The following SERINC3 variants were observed in gnomAD, a reference collection of about 807,000 sequenced individuals.
SERINC3 encodes the protein tumor differentially expressed protein 1.
A neutral mutation model predicts 52.1 loss-of-function variants in SERINC3; 22 were observed. The observed-to-expected ratio is 0.42, with a 90% CI of 0.30 to 0.60. SERINC3 has a LOEUF of 0.60. SERINC3 is among the 20% of genes least tolerant of loss of function. The probability of loss-of-function intolerance (pLI) is 0.16; values close to 1 mark genes in which losing one functional copy is unlikely to be tolerated. For synonymous variants in SERINC3, 226 were observed against 212.7 expected (o/e 1.06, Z -0.54); for missense variants, 564 against 584.6 (o/e 0.96, Z 0.36).
Position 44,504,669 on chromosome 20 carries a change from GTGAACACT to G in SERINC3, c.874+124_874+131del, listed in dbSNP as rs1382238554. The G allele has an allele frequency of 4.5e-6, 3 of 669,078 alleles. No homozygotes were observed. The African/African-American group carries it at 5.4e-5, about 12-fold the overall frequency. The allele number at this position is 669,078 out of a possible 1,614,324, so 41.4% of individuals were successfully genotyped here. A position where few individuals can be genotyped will look rare whatever the true frequency, so the allele number is the denominator to read the frequency against. ...AAAGGTAAATACCTACAAACCTACA[GTGAACACT>G]GTACGTTTAAGTTTTGTTTGCTTGT... On this transcript the variant is annotated intron_variant, in intron 7 of 9. Transcript: ENST00000342374.
In SERINC3 at chr20:44,508,222, G is replaced by A. The variant is rs533971701; in HGVS notation, c.614-1226C>T. Reference sequence around the variant, plus strand: ...ATAACAGCCGGGTGTGGTGGCTCACGCCTGCAATCCTAACACTTTGGGAGG... The same window carrying A: ...ATAACAGCCGGGTGTGGTGGCTCACACCTGCAATCCTAACACTTTGGGAGG... On this transcript the variant is annotated intron_variant, in intron 5 of 9. Coordinates refer to ENST00000342374, the MANE Select transcript of SERINC3 (RefSeq NM_006811.4). Among the ~76,000 whole-genome samples, 70 of 152,236 alleles carry A rather than the reference G, an allele frequency of 4.6e-4. 1 individual carries two copies. Among genetic ancestry groups the A allele is most frequent in the Non-Finnish European group, 8.2e-4 (56 of 68,012 alleles).
At position 44,503,920 on chromosome 20, in the gene SERINC3, G is replaced by A; in HGVS notation, c.950C>T (p.Thr317Ile). 8 of 1,605,060 alleles carry A rather than the reference G, an allele frequency of 5.0e-6. No homozygotes were observed. The highest frequency in any genetic ancestry group is 6.8e-6 in the Non-Finnish European group (8 of 1,176,968). Residue 317 changes from threonine to isoleucine, a missense_variant, in exon 8 of 10, where the codon ACT becomes ATT. Thr to Ile is a moderately conservative substitution (Grantham distance 89). Coordinates refer to ENST00000342374, the MANE Select transcript of SERINC3 (RefSeq NM_006811.4). ...TAPTLAPGNS[T>I]AVVPTPTPPS... ...TGGAGTAGGGGTAGGGACCACAGCA[G>A]TTGAATTTCCAGGAGCCAGGGTTGG...
At position 44,506,944 on chromosome 20, in the gene SERINC3, C is replaced by T. The variant is rs762804409; in HGVS notation, c.666G>A (p.Gly222=). The T allele has an allele frequency of 3.7e-6, 6 of 1,608,798 alleles. No homozygotes were observed. Among genetic ancestry groups the T allele is most frequent in the Non-Finnish European group, 4.2e-6 (5 of 1,178,018 alleles). Reference sequence around the variant, plus strand: ...GTTTGGTGTAATATGTATAGAGCAGCCCGACACAGATGATTGACAGGATAT... The same window carrying T: ...GTTTGGTGTAATATGTATAGAGCAGTCCGACACAGATGATTGACAGGATAT... ...AFYILSIICV[G]LLYTYYTKPD... The change falls in exon 6 of 10, where the codon GGG becomes GGA. Residue 222 remains glycine, a synonymous_variant. Transcript: ENST00000342374.
intron 1 of SERINC3, among the ~76,000 whole-genome samples, chr20:44,520,958 G>A (rs1425474490): frequency 4.6e-5 from 7 of 152,162 alleles, no homozygotes; most frequent in Non-Finnish European, 1.0e-4. Flanking sequence ...TTGTGAGACT[G>A]AGCCCTCCAC....
intron 6 of SERINC3, among the ~76,000 whole-genome samples, chr20:44,506,379 G>A (rs1318572472): frequency 6.6e-6 from 1 of 151,032 alleles, no homozygotes; most frequent in Non-Finnish European, 1.5e-5. Flanking sequence ...GGATCACGAG[G>A]TCAAGAGTTC....
downstream of SERINC3, among the ~76,000 whole-genome samples, chr20:44,496,965 A>C (rs1312400304): frequency 4.6e-5 from 7 of 152,142 alleles, no homozygotes; most frequent in Admixed American, 4.6e-4. Context: ...CAACCAGATA[A>C]CCCGCAAGAC....
In SERINC3 at chr20:44,522,022, T is replaced by TAG. The variant is rs2064421135; in HGVS notation, c.-72_-71insCT. ...ACACGGTGGTAACTGCCAGCTGAGG[T>TAG]GACTCCCCAGAAACATGACGGTTTC... On this transcript the variant is annotated 5_prime_UTR_variant, in exon 1 of 10. An upstream open reading frame in the 5' UTR loses its in-frame stop. Transcript: ENST00000342374. The TAG allele has an allele frequency of 6.8e-7, 1 of 1,465,746 alleles. No individual in the cohort carries two copies. Among genetic ancestry groups the TAG allele is most frequent in the Non-Finnish European group, 9.4e-7 (1 of 1,069,330 alleles). The allele number at this position is 1,465,746 out of a possible 1,614,324, so 90.8% of individuals were successfully genotyped here. A position where few individuals can be genotyped will look rare whatever the true frequency, so the allele number is the denominator to read the frequency against.
chr20:44,510,839 G>T (rs1030824102), intron 4 of SERINC3, among the ~76,000 whole-genome samples: 1 of 151,960 alleles, frequency 6.6e-6, no homozygotes, highest in Admixed American at 6.6e-5. Flanking sequence ...TGAGTTGCAG[G>T]TACTAAGTCA....
rs1470786005 is a variant in SERINC3 at position 44,499,836 on chromosome 20, A to G, written c.*460T>C. On this transcript the variant is annotated 3_prime_UTR_variant, in exon 10 of 10. Coordinates refer to ENST00000342374, the MANE Select transcript of SERINC3 (RefSeq NM_006811.4). ...CTACCCCGCTGAAGAGTTTAAGCACAAAACACAGTGCTTGTATCATATAAG... is the reference window on the plus strand; with the variant it reads ...CTACCCCGCTGAAGAGTTTAAGCACGAAACACAGTGCTTGTATCATATAAG... 6.5e-6 allele frequency: 1 copy of G among 152,864 alleles called. No homozygotes were observed. The highest frequency in any genetic ancestry group is 1.9e-4 in the East Asian group (1 of 5,344). The allele number at this position is 152,864 out of a possible 1,614,324, so 9.5% of individuals were successfully genotyped here.
chr20:44,506,584 C>CAAAAAAAAAAAAAAAAA (rs1191331026), intron 6 of SERINC3, among the ~76,000 whole-genome samples: 3 of 14,262 alleles, frequency 2.1e-4, no homozygotes, highest in African/African-American at 4.8e-4. Flanking sequence ...GACTCCATCT[C>CAAAAAAAAAAAAAAAAA]AAAAAAAAAA....
intron 1 of SERINC3, among the ~76,000 whole-genome samples, chr20:44,520,042 AG>A (rs1444290925): frequency 2.0e-5 from 3 of 152,126 alleles, no homozygotes; most frequent in African/African-American, 7.2e-5. Flanking sequence ...GAGGGGCTGA[AG>A]GTTAGGTCAG....
At chr20:44,509,792 C>T (rs2064335866) in intron 5 of SERINC3, 99 bp downstream of exon 5, 1 of 1,316,054 alleles carries the variant, frequency 7.6e-7, no homozygotes, top group East Asian at 2.3e-5. Context: ...GGACTTCTGT[C>T]CCTGAGGACT....
chr20:44,511,693 A>C (rs1392433824), intron 3 of SERINC3, among the ~76,000 whole-genome samples: 7 of 152,228 alleles, frequency 4.6e-5, no homozygotes, highest in Admixed American at 4.6e-4. Context: ...TGTTAGGTAC[A>C]CACACAGCCA....
chr20:44,514,497 C>A (rs1317347200), intron 1 of SERINC3, among the ~76,000 whole-genome samples: 1 of 152,156 alleles, frequency 6.6e-6, no homozygotes, highest in African/African-American at 2.4e-5. Flanking sequence ...TGGTGGCTCA[C>A]GCCTGTAATC....
rs529264026 is a variant in SERINC3 at position 44,504,677 on chromosome 20, T to C, written c.874+124A>G. 1.8e-5 allele frequency: 13 copies of C among 717,410 alleles called. No individual in the cohort carries two copies. In the East Asian group the frequency reaches 3.4e-4, roughly 19 times the overall value. The allele number at this position is 717,410 out of a possible 1,614,324, so 44.4% of individuals were successfully genotyped here. A position where few individuals can be genotyped will look rare whatever the true frequency, so the allele number is the denominator to read the frequency against. The stretch of plus-strand genomic sequence containing the variant: ...ATACCTACAAACCTACAGTGAACAC[T>C]GTACGTTTAAGTTTTGTTTGCTTGT... On this transcript the variant is annotated intron_variant, in intron 7 of 9. Transcript: ENST00000342374.
chr20:44,500,264 G>A lies in SERINC3; in HGVS notation c.*32C>T. ...GGTTTTCGGTGAAGGAGACCTTTGT[G>A]AGTTCCAGTGGTGTCCTTGGCACTC... On this transcript the variant is annotated 3_prime_UTR_variant, in exon 10 of 10. Transcript: ENST00000342374. The A allele has an allele frequency of 6.3e-7, 1 of 1,593,500 alleles. No individual in the cohort carries two copies. The highest frequency in any genetic ancestry group is 8.6e-7 in the Non-Finnish European group (1 of 1,167,566).
rs1451113648 is a variant in SERINC3, at chr20:44,506,989, C to A, written c.621G>T (p.Leu207=). 1 of 1,591,940 alleles carries A rather than the reference C, an allele frequency of 6.3e-7. No homozygotes were observed. The highest frequency in any genetic ancestry group is 2.2e-5 in the East Asian group (1 of 44,542). ...GNPRLWYAAL[L]SFTSAFYILS... is the part of the protein sequence containing the mutation. ...GGATATAAAAGGCGCTTGTGAAAGA[C>A]AGTAAAGCTGGAGAAAGGGAAACCA... The change falls in exon 6 of 10, where the codon CTG becomes CTT. Residue 207 remains leucine (L), a synonymous_variant. Transcript: ENST00000342374.
At chr20:44,512,431 C>T (rs191161437) in intron 3 of SERINC3, among the ~76,000 whole-genome samples, 2 of 151,468 alleles carry the variant, frequency 1.3e-5, no homozygotes, top group East Asian at 1.9e-4. Flanking sequence ...TATTCACTGA[C>T]TTTTGTACAC....
At chr20:44,516,723 G>A (rs752268883) in intron 1 of SERINC3, among the ~76,000 whole-genome samples, 10 of 152,046 alleles carry the variant, frequency 6.6e-5, no homozygotes, top group Non-Finnish European at 1.2e-4. Flanking sequence ...AAGACAAGGC[G>A]TCACTCTGTT....
Sources: gnomAD v4.1 joint callset for allele counts (sites outside exome capture counted in the v4.1 genomes callset) on GRCh38, gnomAD v4.1.1 for gene constraint, MANE v1.5 for transcripts, NCBI Gene and HGNC (gene_info 2026-07-23, HGNC 2026-07-21) for gene names.